The following GRIK2 variants were observed in gnomAD, a reference collection of about 807,000 sequenced individuals.
The protein encoded by GRIK2 is glutamate ionotropic receptor kainate type subunit 2, also known as glutamate receptor ionotropic, kainate 2.
Under a neutral mutation model 100.3 loss-of-function variants are expected in GRIK2, and 32 were observed. The observed-to-expected ratio is 0.32, with a 90% CI of 0.24 to 0.43. The LOEUF (loss-of-function observed/expected upper bound fraction) is 0.43. Among genes scored for constraint, GRIK2 ranks in the 20% least tolerant of loss-of-function variants. GRIK2 has a pLI of 1.00. For missense variants in GRIK2, 843 were observed against 1,114.9 expected, an observed-to-expected ratio of 0.76 and a Z score of 3.47; for synonymous variants, 417 against 389.4, an observed-to-expected ratio of 1.07 and a Z score of -0.83.
intron 2 of GRIK2, among the ~76,000 whole-genome samples, chr6:101,453,680 T>A (rs1186164434): frequency 6.6e-6 from 1 of 152,000 alleles, no homozygotes; most frequent in Non-Finnish European, 1.5e-5. Context: ...TAGGGCAATA[T>A]GAATGTAACC....
intron 2 of GRIK2, among the ~76,000 whole-genome samples, chr6:101,559,412 C>A (rs1216624858): frequency 6.6e-6 from 1 of 152,022 alleles, no homozygotes; most frequent in South Asian, 2.1e-4. Flanking sequence ...CATAAGTATT[C>A]CTACTCTATA....
intron 2 of GRIK2, among the ~76,000 whole-genome samples, chr6:101,600,761 T>C (rs1779174043): frequency 6.6e-6 from 1 of 151,938 alleles, no homozygotes; most frequent in Non-Finnish European, 1.5e-5. Flanking sequence ...ATTGGTTTTG[T>C]ATCCTGATAC....
At chr6:101,914,674 GT>G (rs1327847048) in intron 12 of GRIK2, among the ~76,000 whole-genome samples, 1 of 151,384 alleles carries the variant, frequency 6.6e-6, no homozygotes, top group East Asian at 1.9e-4. Flanking sequence ...TTTTGGCATA[GT>G]GCTAACTAGC....
intron 14 of GRIK2, among the ~76,000 whole-genome samples, chr6:102,010,573 G>A (rs1795480671): frequency 6.6e-6 from 1 of 151,814 alleles, no homozygotes; most frequent in Non-Finnish European, 1.5e-5. Context: ...TTTTAGTAGA[G>A]GCTGGGTTTC....
At chr6:101,907,998 A>G (rs1788361883) in intron 12 of GRIK2, among the ~76,000 whole-genome samples, 1 of 151,498 alleles carries the variant, frequency 6.6e-6, no homozygotes, top group Non-Finnish European at 1.5e-5. Flanking sequence ...AAGAATGAAG[A>G]GCACATTTCT....
chr6:101,782,137 A>C (rs1009500057), intron 7 of GRIK2, among the ~76,000 whole-genome samples: 1 of 152,222 alleles, frequency 6.6e-6, no homozygotes, highest in African/African-American at 2.4e-5. Flanking sequence ...TACTTCTAGC[A>C]TGATCGAGTC....
At chr6:101,563,776 C>G (rs373502049) in intron 2 of GRIK2, among the ~76,000 whole-genome samples, 31 of 151,832 alleles carry the variant, frequency 2.0e-4, no homozygotes, top group African/African-American at 7.0e-4. Flanking sequence ...TCTACATTAT[C>G]TAAACACTCT....
At chr6:101,716,123 T>C (rs1049551263) in intron 7 of GRIK2, among the ~76,000 whole-genome samples, 3 of 151,762 alleles carry the variant, frequency 2.0e-5, no homozygotes, top group African/African-American at 7.2e-5. Context: ...ACCTAAAGCT[T>C]CATAAAATAC....
chr6:101,415,967 A>G (rs1254010861), intron 2 of GRIK2, among the ~76,000 whole-genome samples: 1 of 152,218 alleles, frequency 6.6e-6, no homozygotes, highest in Non-Finnish European at 1.5e-5. Context: ...GTGGCACCTA[A>G]GTCCCTAATA....
At chr6:101,818,136 C>T (rs2518206) in intron 9 of GRIK2, among the ~76,000 whole-genome samples, 30,126 of 152,046 alleles carry the variant, frequency 0.2, 4,868 homozygotes, top group East Asian at 0.65. Context: ...GAAAATTAAG[C>T]TCCCACACTG....
At chr6:101,976,246 T>C (rs1793371204) in intron 14 of GRIK2, among the ~76,000 whole-genome samples, 1 of 151,984 alleles carries the variant, frequency 6.6e-6, no homozygotes, top group Non-Finnish European at 1.5e-5. Flanking sequence ...AAGAAATTTA[T>C]CTTCTGTTAT....
At chr6:101,586,363 A>T (rs1195202070) in intron 2 of GRIK2, among the ~76,000 whole-genome samples, 1 of 152,080 alleles carries the variant, frequency 6.6e-6, no homozygotes, top group Admixed American at 6.6e-5. Context: ...TATACATTTT[A>T]CTCTCCTCAT....
chr6:101,436,707 A>G (rs560046859), intron 2 of GRIK2, among the ~76,000 whole-genome samples: 28 of 151,956 alleles, frequency 1.8e-4, no homozygotes, highest in Admixed American at 9.8e-4. Flanking sequence ...CACCAGATTT[A>G]AGATCTTTTA....
intron 14 of GRIK2, among the ~76,000 whole-genome samples, chr6:101,939,222 T>G (rs1337331906): frequency 1.3e-5 from 2 of 152,072 alleles, no homozygotes; most frequent in East Asian, 3.9e-4. Flanking sequence ...TGGCGTGAAA[T>G]CCTACATTCC....
intron 14 of GRIK2, among the ~76,000 whole-genome samples, chr6:102,006,390 A>ATATATTTTTT (rs1315524835): frequency 5.8e-4 from 66 of 114,082 alleles, no homozygotes; most frequent in African/African-American, 2.6e-3. Flanking sequence ...ATATATATAT[A>ATATATTTTTT]TTTTTTTTTT....
chr6:101,699,831 A>G (rs1394054603), intron 7 of GRIK2, among the ~76,000 whole-genome samples: 1 of 152,068 alleles, frequency 6.6e-6, no homozygotes, highest in Non-Finnish European at 1.5e-5. Flanking sequence ...AAGTCACTAA[A>G]TGAATCCATT....
intron 14 of GRIK2, among the ~76,000 whole-genome samples, chr6:102,014,878 T>C (rs1046291034): frequency 1.3e-5 from 2 of 152,142 alleles, no homozygotes; most frequent in South Asian, 4.1e-4. Flanking sequence ...TTAGAGTATA[T>C]GACAAGTGTA....
intron 14 of GRIK2, among the ~76,000 whole-genome samples, chr6:102,025,786 C>T (rs1290795156): frequency 6.6e-6 from 1 of 150,962 alleles, no homozygotes; most frequent in Non-Finnish European, 1.5e-5. Flanking sequence ...ACACACAGTG[C>T]GTGGCATGGT....
intron 12 of GRIK2, among the ~76,000 whole-genome samples, chr6:101,906,644 A>G (rs1013883742): frequency 6.6e-6 from 1 of 151,764 alleles, no homozygotes; most frequent in Non-Finnish European, 1.5e-5. Flanking sequence ...GAAGTAGTTA[A>G]TAAGAATGGA....
Sources: allele counts gnomAD v4.1 joint callset (sites outside exome capture counted in the v4.1 genomes callset), GRCh38; gene constraint gnomAD v4.1.1; transcripts MANE v1.5; gene names NCBI Gene and HGNC (gene_info 2026-07-23, HGNC 2026-07-21).